Variants in TUSC3 observed in about 807,000 individuals in gnomAD.
The protein encoded by TUSC3 is tumor suppressor candidate 3.
In TUSC3, 45 loss-of-function variants were observed where a neutral mutation model predicts 44.8. The ratio of observed to expected loss-of-function variants is 1.00; its 90% CI spans 0.79 to 1.29. TUSC3 has a LOEUF of 1.29. Ranked by LOEUF, TUSC3 falls within the 50% of genes most tolerant of loss-of-function variation. The probability of loss-of-function intolerance (pLI) is 0.00; values close to 1 mark genes in which losing one functional copy is unlikely to be tolerated. For synonymous variants in TUSC3, 212 were observed against 152.9 expected (o/e 1.39, Z -2.85); for missense variants, 519 against 437.9 (o/e 1.19, Z -1.65).
At chr8:15,715,614 C>G (rs1428108767) in intron 6 of TUSC3, among the ~76,000 whole-genome samples, 4 of 151,908 alleles carry the variant, frequency 2.6e-5, no homozygotes, top group Admixed American at 2.0e-4. Context: ...TATTTTTGGA[C>G]TGTAGTTGAC....
the TUSC3 span, among the ~76,000 whole-genome samples, chr8:15,835,685 C>G: frequency 6.6e-6 from 1 of 151,918 alleles, no homozygotes; most frequent in Non-Finnish European, 1.5e-5. Flanking sequence ...TTTTGGAATG[C>G]TCTGTGCAGC....
At chr8:15,791,268 C>T in the TUSC3 span, among the ~76,000 whole-genome samples, 6 of 135,970 alleles carry the variant, frequency 4.4e-5, no homozygotes, top group Non-Finnish European at 9.4e-5. Flanking sequence ...AGCCTCTTAG[C>T]GCCCCCCCCA....
chr8:15,713,606 G>T (rs1661587281), intron 6 of TUSC3, among the ~76,000 whole-genome samples: 1 of 152,174 alleles, frequency 6.6e-6, no homozygotes, highest in Non-Finnish European at 1.5e-5. Context: ...GGAGTCAGCA[G>T]GGCGAGTTTG....
intron 1 of TUSC3, among the ~76,000 whole-genome samples, chr8:15,547,200 T>C (rs1369114027): frequency 6.6e-6 from 1 of 151,608 alleles, no homozygotes; most frequent in African/African-American, 2.4e-5. Flanking sequence ...AAGGGCACTT[T>C]AGTACAGGTT....
chr8:15,559,339 C>A (rs1468517939), intron 1 of TUSC3, among the ~76,000 whole-genome samples: 1 of 147,632 alleles, frequency 6.8e-6, no homozygotes, highest in South Asian at 2.2e-4. Flanking sequence ...ACCCTGAGTT[C>A]TAGTTTGATT....
intron 1 of TUSC3, among the ~76,000 whole-genome samples, chr8:15,469,683 A>G (rs1196884182): frequency 6.6e-6 from 1 of 152,244 alleles, no homozygotes; most frequent in Non-Finnish European, 1.5e-5. Flanking sequence ...CGTCCATAGA[A>G]AAACCTGCAC....
chr8:15,743,410 G>A (rs1811276589), intron 7 of TUSC3, 128 bp from the exon 8 acceptor site: 5 of 920,678 alleles, frequency 5.4e-6, no homozygotes, highest in Non-Finnish European at 5.4e-6. Context: ...TTATATAAAG[G>A]TAATTGATTG....
At chr8:15,828,012 G>C in the TUSC3 span, among the ~76,000 whole-genome samples, 9 of 51,032 alleles carry the variant, frequency 1.8e-4, no homozygotes, top group Non-Finnish European at 4.4e-5. Context: ...TTTTTTTTTT[G>C]ACACGGAGTT....
At chr8:15,512,935 T>TATATAG (rs1678415416) in intron 2 of TUSC3, among the ~76,000 whole-genome samples, 2 of 37,670 alleles carry the variant, frequency 5.3e-5, no homozygotes, top group South Asian at 1.2e-3. Flanking sequence ...TATAATCATA[T>TATATAG]ATATATATAT....
intron 5 of TUSC3, 27 bp downstream of exon 5, chr8:15,662,323 AT>A (rs767153036): frequency 6.2e-7 from 1 of 1,611,746 alleles, no homozygotes; most frequent in South Asian, 1.1e-5. Context: ...TGCTTTTTTT[AT>A]TTCCTGTTCT....
At chr8:15,797,947 C>A in the TUSC3 span, among the ~76,000 whole-genome samples, 13 of 152,244 alleles carry the variant, frequency 8.5e-5, no homozygotes, top group African/African-American at 3.1e-4. Context: ...TTGTATTGGG[C>A]TAATGCATCT....
At chr8:15,510,215 A>C (rs1801115198) in intron 2 of TUSC3, among the ~76,000 whole-genome samples, 1 of 152,228 alleles carries the variant, frequency 6.6e-6, no homozygotes, top group African/African-American at 2.4e-5. Flanking sequence ...AAGCCAAAAG[A>C]AGGAGAAAAA....
At chr8:15,810,685 C>G in the TUSC3 span, among the ~76,000 whole-genome samples, 1 of 152,014 alleles carries the variant, frequency 6.6e-6, no homozygotes, top group Non-Finnish European at 1.5e-5. Flanking sequence ...ATTTTATCCC[C>G]AAATATATTT....
At chr8:15,808,324 A>G in the TUSC3 span, among the ~76,000 whole-genome samples, 2 of 152,262 alleles carry the variant, frequency 1.3e-5, no homozygotes, top group East Asian at 3.9e-4. Context: ...CATAAAAAGA[A>G]TATAATTGTT....
At chr8:15,598,055 A>G (rs1015287695) in intron 1 of TUSC3, among the ~76,000 whole-genome samples, 2 of 152,034 alleles carry the variant, frequency 1.3e-5, no homozygotes, top group South Asian at 2.1e-4. Context: ...ACGTAAATAA[A>G]TGCTTTGAGA....
At chr8:15,510,598 C>G (rs1801119694) in intron 2 of TUSC3, among the ~76,000 whole-genome samples, 1 of 152,072 alleles carries the variant, frequency 6.6e-6, no homozygotes, top group African/African-American at 2.4e-5. Context: ...TAGTTAAAAA[C>G]CTTCCCACAC....
chr8:15,591,017 T>C (rs1803813968), intron 1 of TUSC3, among the ~76,000 whole-genome samples: 1 of 152,138 alleles, frequency 6.6e-6, no homozygotes, highest in South Asian at 2.1e-4. Flanking sequence ...GTAGGAGAAA[T>C]CTTTGCCATG....
At chr8:15,799,410 A>G in the TUSC3 span, among the ~76,000 whole-genome samples, 1 of 152,168 alleles carries the variant, frequency 6.6e-6, no homozygotes, top group Non-Finnish European at 1.5e-5. Flanking sequence ...GAATCTTAGT[A>G]CAAGTTGCTA....
intron 2 of TUSC3, among the ~76,000 whole-genome samples, chr8:15,529,143 C>G (rs1241410275): frequency 6.6e-6 from 1 of 152,118 alleles, no homozygotes; most frequent in African/African-American, 2.4e-5. Context: ...CTTTAAATAT[C>G]CGAAGCACAA....
Sources: allele counts gnomAD v4.1 joint callset (sites outside exome capture counted in the v4.1 genomes callset), GRCh38; gene constraint gnomAD v4.1.1; transcripts MANE v1.5; gene names NCBI Gene and HGNC (gene_info 2026-07-23, HGNC 2026-07-21).